SDHC: variants seen among roughly 807,000 people sequenced by gnomAD.
SDHC encodes the protein succinate dehydrogenase complex subunit C.
In SDHC, 11 loss-of-function variants were observed where a neutral mutation model predicts 22.6. The ratio of observed to expected loss-of-function variants is 0.49; its 90% CI spans 0.31 to 0.81. SDHC has a LOEUF of 0.81. Ranked by LOEUF, SDHC falls within the 30% of genes least tolerant of loss-of-function variation. SDHC has a pLI of 0.05. For synonymous variants in SDHC, 80 were observed against 77.8 expected (o/e 1.03, Z -0.15); for missense variants, 160 against 212.0 (o/e 0.75, Z 1.52).
At chr1:161,317,660 C>T (rs1390476619) in intron 1 of SDHC, among the ~76,000 whole-genome samples, 1 of 142,006 alleles carries the variant, frequency 7.0e-6, no homozygotes, top group Non-Finnish European at 1.5e-5. Context: ...CTCCTGGGTT[C>T]AAGCGATTCT....
intron 5 of SDHC, among the ~76,000 whole-genome samples, chr1:161,359,719 A>G (rs1244334257): frequency 1.3e-5 from 2 of 152,164 alleles, no homozygotes; most frequent in Admixed American, 6.5e-5. Flanking sequence ...TTCTTCTAGC[A>G]AGTACTGGCT....
In SDHC at chr1:161,322,822, A is replaced by G. The variant is rs552120121; in HGVS notation, c.21-792A>G. Among the ~76,000 whole-genome samples, 21 of 152,114 alleles carry G rather than the reference A, an allele frequency of 1.4e-4. No individual in the cohort carries two copies. In the East Asian group the frequency reaches 3.3e-3, roughly 24 times the overall value. On this transcript the variant is annotated intron_variant, in intron 1 of 5. Coordinates refer to ENST00000367975, the MANE Select transcript of SDHC (RefSeq NM_003001.5). ...CTCAGTCCACTGGCCTCAGCCTCCC[A>G]AAGTGTTGGGATTACAGGCGTGAGC...
At chr1:161,347,402 T>C (rs1671938390) in intron 4 of SDHC, among the ~76,000 whole-genome samples, 1 of 151,926 alleles carries the variant, frequency 6.6e-6, no homozygotes. Flanking sequence ...TACAGGCACC[T>C]GCCACCATGC....
chr1:161,327,635 C>T (rs1190227882), intron 2 of SDHC, among the ~76,000 whole-genome samples: 2 of 152,090 alleles, frequency 1.3e-5, no homozygotes, highest in Non-Finnish European at 2.9e-5. Context: ...GATCTTGGCT[C>T]ACTGTAACCT....
At position 161,347,100 on chromosome 1, in the gene SDHC, C is replaced by T. The variant is rs116164944; in HGVS notation, c.241+6445C>T. 1.0e-2 allele frequency among the ~76,000 whole-genome samples: 1,515 copies of T among 152,202 alleles called. 15 individuals carry two copies. The highest frequency in any genetic ancestry group is 0.013 in the Non-Finnish European group (915 of 68,020). On this transcript the variant is annotated intron_variant, in intron 4 of 5. Transcript: ENST00000367975. The stretch of plus-strand genomic sequence containing the variant: ...AACTCAGGACACAGAGTTGACAGCA[C>T]TCTGAGGGAGTTAGAAGGCTTGAAA...
chr1:161,359,541 CA>C (rs1672421296), intron 5 of SDHC, among the ~76,000 whole-genome samples: 1 of 152,128 alleles, frequency 6.6e-6, no homozygotes, highest in Admixed American at 6.6e-5. Flanking sequence ...TTGGCTCAGA[CA>C]GAGACTTGCC....
At chr1:161,350,627 A>G (rs373732777) in intron 4 of SDHC, among the ~76,000 whole-genome samples, 50 of 152,362 alleles carry the variant, frequency 3.3e-4, no homozygotes, top group South Asian at 3.1e-3. Flanking sequence ...TGTTAGAGAC[A>G]TAAGACCGGA....
chr1:161,326,230 G>A (rs905516095), intron 2 of SDHC, among the ~76,000 whole-genome samples: 7 of 151,520 alleles, frequency 4.6e-5, no homozygotes, highest in African/African-American at 1.7e-4. Context: ...CAGAGTTATC[G>A]TCTGATATGA....
intron 3 of SDHC, among the ~76,000 whole-genome samples, chr1:161,331,333 T>A (rs1192022349): frequency 1.3e-5 from 2 of 151,996 alleles, no homozygotes; most frequent in Non-Finnish European, 2.9e-5. Flanking sequence ...AGTGGCACGA[T>A]CTGGGCTCAT....
intron 1 of SDHC, among the ~76,000 whole-genome samples, chr1:161,315,095 T>C (rs1006275889): frequency 6.6e-6 from 1 of 152,206 alleles, no homozygotes; most frequent in Non-Finnish European, 1.5e-5. Context: ...AGATTTTCTT[T>C]CATTCTGAAC....
At chr1:161,352,054 G>C (rs1672116511) in intron 4 of SDHC, among the ~76,000 whole-genome samples, 1 of 152,196 alleles carries the variant, frequency 6.6e-6, no homozygotes, top group South Asian at 2.1e-4. Context: ...ATTTTTCTCA[G>C]TGATTAGATA....
At chr1:161,318,628 C>T (rs1670716751) in intron 1 of SDHC, among the ~76,000 whole-genome samples, 1 of 152,228 alleles carries the variant, frequency 6.6e-6, no homozygotes, top group South Asian at 2.1e-4. Flanking sequence ...AGGTTTAACT[C>T]TCAATTTATG....
At chr1:161,347,242 C>G (rs1057250612) in intron 4 of SDHC, among the ~76,000 whole-genome samples, 2 of 152,038 alleles carry the variant, frequency 1.3e-5, no homozygotes, top group Non-Finnish European at 2.9e-5. Context: ...ATGATTATGA[C>G]GAGGTCTGTT....
intron 5 of SDHC, among the ~76,000 whole-genome samples, chr1:161,357,714 A>G (rs566320356): frequency 7.8e-4 from 119 of 152,258 alleles, no homozygotes; most frequent in Non-Finnish European, 1.5e-3. Flanking sequence ...CTTCATTTTT[A>G]AGAGGGATAT....
chr1:161,338,961 G>C (rs1323995551), intron 3 of SDHC, among the ~76,000 whole-genome samples: 1 of 152,056 alleles, frequency 6.6e-6, no homozygotes. Flanking sequence ...TCATTCTCCT[G>C]CCTCAGCCTC....
intron 3 of SDHC, among the ~76,000 whole-genome samples, chr1:161,338,289 T>G (rs1390559750): frequency 1.3e-5 from 2 of 152,244 alleles, no homozygotes; most frequent in Non-Finnish European, 2.9e-5. Context: ...TTAATTTATT[T>G]GGGAATACTC....
intron 4 of SDHC, among the ~76,000 whole-genome samples, chr1:161,352,508 C>T (rs1044093835): frequency 2.0e-5 from 3 of 152,074 alleles, no homozygotes; most frequent in East Asian, 1.9e-4. Flanking sequence ...CCCATAATCC[C>T]GCCAGTCAGA....
intron 2 of SDHC, 30 bp downstream of exon 2, chr1:161,323,700 T>TA: frequency 1.3e-6 from 2 of 1,545,766 alleles, no homozygotes; most frequent in East Asian, 2.3e-5. Context: ...GATTATTTAT[T>TA]TATTTTTTTT....
At chr1:161,333,219 GTTTTA>G (rs1671345182) in intron 3 of SDHC, among the ~76,000 whole-genome samples, 1 of 152,042 alleles carries the variant, frequency 6.6e-6, no homozygotes, top group South Asian at 2.1e-4. Flanking sequence ...TACATACAGT[GTTTTA>G]TTTACCCATT....
Sources: allele counts gnomAD v4.1 joint callset (sites outside exome capture counted in the v4.1 genomes callset), GRCh38; gene constraint gnomAD v4.1.1; transcripts MANE v1.5; gene names NCBI Gene and HGNC (gene_info 2026-07-23, HGNC 2026-07-21).